Variants in RPS6KC1 observed in about 807,000 individuals in gnomAD.
The protein encoded by RPS6KC1 is ribosomal protein S6 kinase C1.
Under a neutral mutation model 103.8 loss-of-function variants are expected in RPS6KC1, and 54 were observed. The ratio of observed to expected loss-of-function variants is 0.52; its 90% CI spans 0.42 to 0.65. The LOEUF is 0.65. RPS6KC1 is among the 30% of genes least tolerant of loss of function. The pLI, the probability that RPS6KC1 is intolerant of heterozygous loss-of-function variation, is 0.00. For synonymous variants in RPS6KC1, 439 were observed against 438.7 expected (o/e 1.00, Z -0.01); for missense variants, 1,151 against 1,253.8 (o/e 0.92, Z 1.24).
the RPS6KC1 span, among the ~76,000 whole-genome samples, chr1:213,699,987 C>T: frequency 6.6e-6 from 1 of 152,004 alleles, no homozygotes; most frequent in African/African-American, 2.4e-5. Context: ...TATTTTCTCC[C>T]ATTTTGTGGC....
chr1:213,367,338 A>G, the RPS6KC1 span, among the ~76,000 whole-genome samples: 1 of 152,250 alleles, frequency 6.6e-6, no homozygotes, highest in South Asian at 2.1e-4. Context: ...TGGCTACCCC[A>G]TCCTGACTAG....
the RPS6KC1 span, among the ~76,000 whole-genome samples, chr1:213,594,731 A>G: frequency 6.6e-6 from 1 of 152,252 alleles, no homozygotes; most frequent in Non-Finnish European, 1.5e-5. Context: ...TCAAAACAAG[A>G]TGCAGACCCA....
At chr1:213,646,828 A>G in the RPS6KC1 span, among the ~76,000 whole-genome samples, 1 of 152,120 alleles carries the variant, frequency 6.6e-6, no homozygotes, top group East Asian at 1.9e-4. Flanking sequence ...CTGGTTATAA[A>G]AAGTGACTCC....
intron 6 of RPS6KC1, among the ~76,000 whole-genome samples, chr1:213,165,334 G>T (rs1442114930): frequency 6.6e-6 from 1 of 151,872 alleles, no homozygotes; most frequent in Non-Finnish European, 1.5e-5. Context: ...GGGTTCAAAT[G>T]ATTCTCCTGC....
At chr1:213,817,203 C>T in the RPS6KC1 span, among the ~76,000 whole-genome samples, 15 of 152,158 alleles carry the variant, frequency 9.9e-5, no homozygotes, top group African/African-American at 3.6e-4. Flanking sequence ...CTCCCTCCAG[C>T]TTAGTCTTCC....
At chr1:213,492,047 G>A in the RPS6KC1 span, among the ~76,000 whole-genome samples, 16 of 152,136 alleles carry the variant, frequency 1.1e-4, no homozygotes, top group South Asian at 8.3e-4. Flanking sequence ...TCCCTCCCCC[G>A]TATGTAAGCC....
At chr1:213,331,581 C>T in the RPS6KC1 span, among the ~76,000 whole-genome samples, 1 of 152,206 alleles carries the variant, frequency 6.6e-6, no homozygotes, top group Admixed American at 6.5e-5. Flanking sequence ...AGCCAGGCCT[C>T]TGCACCTGCG....
the RPS6KC1 span, among the ~76,000 whole-genome samples, chr1:213,537,884 A>G: frequency 6.6e-6 from 1 of 152,200 alleles, no homozygotes; most frequent in African/African-American, 2.4e-5. Flanking sequence ...ATTGGCTCTT[A>G]TGAACATGGT....
intron 3 of RPS6KC1, among the ~76,000 whole-genome samples, chr1:213,089,022 A>G (rs1313325995): frequency 6.6e-6 from 1 of 152,204 alleles, no homozygotes; most frequent in Non-Finnish European, 1.5e-5. Flanking sequence ...CTATTCTTTA[A>G]TTTTAACAAA....
At chr1:213,689,414 C>A in the RPS6KC1 span, among the ~76,000 whole-genome samples, 4 of 152,204 alleles carry the variant, frequency 2.6e-5, no homozygotes, top group Non-Finnish European at 4.4e-5. Flanking sequence ...GCTGAAAGGG[C>A]GTGAATAATC....
chr1:213,354,928 G>A, the RPS6KC1 span, among the ~76,000 whole-genome samples: 1 of 152,162 alleles, frequency 6.6e-6, no homozygotes, highest in African/African-American at 2.4e-5. Flanking sequence ...GCAAGAGAGG[G>A]AAAATCAGGC....
At chr1:213,672,886 C>A in the RPS6KC1 span, among the ~76,000 whole-genome samples, 1,202 of 152,282 alleles carry the variant, frequency 7.9e-3, 12 homozygotes, top group African/African-American at 0.027. Flanking sequence ...TTCCATCCAT[C>A]TCAGGTTCCC....
chr1:213,606,144 G>A, the RPS6KC1 span, among the ~76,000 whole-genome samples: 8 of 152,284 alleles, frequency 5.3e-5, no homozygotes, highest in South Asian at 1.7e-3. Flanking sequence ...CACAAAAGAA[G>A]GGCAGAGGAC....
chr1:213,483,851 C>T, the RPS6KC1 span, among the ~76,000 whole-genome samples: 3 of 152,342 alleles, frequency 2.0e-5, no homozygotes, highest in African/African-American at 4.8e-5. Context: ...TTGGAGTGAA[C>T]AGTCCCTTTT....
the RPS6KC1 span, among the ~76,000 whole-genome samples, chr1:213,530,521 A>G: frequency 3.4e-5 from 3 of 87,080 alleles, no homozygotes; most frequent in Non-Finnish European, 9.0e-5. Flanking sequence ...CAGAGCAGCT[A>G]ACCAAATAGA....
At chr1:213,138,146 A>G (rs914253832) in intron 6 of RPS6KC1, among the ~76,000 whole-genome samples, 4 of 152,088 alleles carry the variant, frequency 2.6e-5, no homozygotes, top group Admixed American at 1.3e-4. Context: ...CAACTTTTGT[A>G]TGCCTAAAAT....
At chr1:213,737,112 G>A in the RPS6KC1 span, among the ~76,000 whole-genome samples, 1 of 152,194 alleles carries the variant, frequency 6.6e-6, no homozygotes, top group Non-Finnish European at 1.5e-5. Context: ...GCCACAGGTT[G>A]ATACCTTAAC....
chr1:213,810,935 T>C, the RPS6KC1 span, among the ~76,000 whole-genome samples: 1 of 152,076 alleles, frequency 6.6e-6, no homozygotes, highest in African/African-American at 2.4e-5. Context: ...GGCCAGAGAG[T>C]GGCATCTCAT....
chr1:213,760,246 T>C, the RPS6KC1 span, among the ~76,000 whole-genome samples: 2 of 152,096 alleles, frequency 1.3e-5, no homozygotes, highest in Non-Finnish European at 2.9e-5. Context: ...ATCACACACA[T>C]ACATACACAC....
Sources: allele counts gnomAD v4.1 joint callset (sites outside exome capture counted in the v4.1 genomes callset), GRCh38; gene constraint gnomAD v4.1.1; transcripts MANE v1.5; gene names NCBI Gene and HGNC (gene_info 2026-07-23, HGNC 2026-07-21).